MYH3: variants seen among roughly 807,000 people sequenced by gnomAD.
MYH3 encodes the protein myosin heavy chain 3, also known as myosin-3.
In MYH3, 130 loss-of-function variants were observed where a neutral mutation model predicts 238.0. The ratio of observed to expected loss-of-function variants is 0.55; its 90% CI spans 0.47 to 0.63. The LOEUF is 0.63. Among genes scored for constraint, MYH3 ranks in the 30% least tolerant of loss-of-function variants. MYH3 has a pLI of 0.00. For synonymous variants in MYH3, 880 were observed against 924.1 expected (o/e 0.95, Z 0.86); for missense variants, 1,853 against 2,374.9 (o/e 0.78, Z 4.57).
intron 6 of MYH3, 88 bp downstream of exon 6, chr17:10,650,286 A>G: frequency 1.4e-6 from 2 of 1,405,512 alleles, no homozygotes; most frequent in Non-Finnish European, 2.0e-6. Flanking sequence ...TGATCTTTTT[A>G]TTATAGACTC....
Position 10,634,960 on chromosome 17 carries a change from A to T in MYH3, c.4236T>A (p.Cys1412Ter). The T allele has an allele frequency of 6.2e-7, 1 of 1,614,118 alleles. No individual in the cohort carries two copies. The highest frequency in any genetic ancestry group is 2.2e-5 in the East Asian group (1 of 44,866). Reference sequence around the variant, plus strand: ...TCTGCTTGGTCTTCTCCAGTGAAGCACATTTAGCATTCACTGCCTCAACCT... The same window carrying T: ...TCTGCTTGGTCTTCTCCAGTGAAGCTCATTTAGCATTCACTGCCTCAACCT... Reference protein sequence around the residue: ...EEQVEAVNAKCASLEKTKQRL... With the variant: ...EEQVEAVNAK Residue 1412 changes from cysteine (C) to a stop codon, truncating the protein, a stop_gained, in exon 31 of 41, where the codon TGT becomes TGA. Transcript: ENST00000583535. LOFTEE classifies it high-confidence loss of function.
Position 10,640,189 on chromosome 17 carries a change from C to T in MYH3, c.2489G>A (p.Trp830Ter), listed in dbSNP as rs2074256832. 6.2e-7 allele frequency: 1 copy of T among 1,614,084 alleles called. No homozygotes were observed. The highest frequency in any genetic ancestry group is 1.7e-5 in the Admixed American group (1 of 60,002). The stretch of plus-strand genomic sequence containing the variant: ...CTTGATCTTGAAGAAGAGTTTCATC[C>T]AGGGCCAGTGCTTGACGTTCATGAA... ...RSFMNVKHWP[W>*]MKLFFKIKPL... is the part of the protein sequence containing the mutation. The change falls in exon 22 of 41, where the codon TGG becomes TAG. Residue 830 changes from tryptophan (W) to a stop codon, truncating the protein, a stop_gained. Transcript: ENST00000583535. LOFTEE classifies it high-confidence loss of function.
At position 10,640,694 on chromosome 17, in the gene MYH3, G is replaced by A. The variant is rs1166528603; in HGVS notation, c.2166-8C>T. The A allele has an allele frequency of 6.2e-6, 10 of 1,613,862 alleles. No individual in the cohort carries two copies. Among genetic ancestry groups the A allele is most frequent in the South Asian group, 1.1e-5 (1 of 91,066 alleles). ...GCATTCAGCACTCGGTATCTGCATTGTAGACATGGAAATCATCACAGACTG... is the reference window on the plus strand; with the variant it reads ...GCATTCAGCACTCGGTATCTGCATTATAGACATGGAAATCATCACAGACTG... On this transcript the variant is annotated splice_region_variant and splice_polypyrimidine_tract_variant and intron_variant, in intron 19 of 40. Transcript: ENST00000583535.
chr17:10,633,150 T>G (rs1365081019), intron 33 of MYH3, among the ~76,000 whole-genome samples: 1 of 152,094 alleles, frequency 6.6e-6, no homozygotes, highest in Non-Finnish European at 1.5e-5. Flanking sequence ...AGACAGAGGT[T>G]GCAGTGGGCC....
chr17:10,648,409 T>C, intron 8 of MYH3, 148 bp downstream of exon 8: 1 of 767,400 alleles, frequency 1.3e-6, no homozygotes, highest in Admixed American at 2.0e-5. Context: ...GAACTTGGTC[T>C]GAATTTATCT....
chr17:10,675,241 T>C, the MYH3 span: 1 of 152,528 alleles, frequency 6.6e-6, no homozygotes, highest in African/African-American at 2.4e-5. Flanking sequence ...CCCACTCTCC[T>C]ACCATCTGCC....
In MYH3 at chr17:10,631,643, C is replaced by A. The variant is rs34393601; in HGVS notation, c.5254G>T (p.Ala1752Ser). The A allele has an allele frequency of 3.7e-4, 591 of 1,614,122 alleles. 3 individuals carry two copies. The African/African-American group carries it at 7.0e-3, about 19-fold the overall frequency. ...VEDASRDARNAEEKAKKAITD... is the reference protein window; with the variant it reads ...VEDASRDARNSEEKAKKAITD... ...ATGGCCTTCTTGGCCTTCTCCTCAG[C>A]GTTCCTTGCATCCCTGCTGGCATCT... The change falls in exon 36 of 41, where the codon GCT becomes TCT. Residue 1752 changes from alanine to serine, a missense_variant. Physicochemically the swap from Ala to Ser is moderately conservative, Grantham distance 99. Coordinates refer to ENST00000583535, the MANE Select transcript of MYH3 (RefSeq NM_002470.4).
rs757753511 is a variant in MYH3, at chr17:10,642,330, G to A, written c.1889-20C>T. On this transcript the variant is annotated intron_variant, in intron 16 of 40. Transcript: ENST00000583535. This position sits in a 1 kb window ranked among gnomAD's most constrained non-coding sequence, Gnocchi z 5.4. ...TGTCAGCTGAAAGCAATAAGGGAGG[G>A]CACGTGCTGTAGGTGAATCTAAAAG... 1.4e-5 allele frequency: 23 copies of A among 1,613,892 alleles called. No homozygotes were observed. The highest frequency in any genetic ancestry group is 1.7e-5 in the Non-Finnish European group (20 of 1,179,894).
chr17:10,666,939 T>C, the MYH3 span, among the ~76,000 whole-genome samples: 6 of 152,302 alleles, frequency 3.9e-5, no homozygotes, highest in Non-Finnish European at 8.8e-5. Flanking sequence ...AGACGGTTTA[T>C]AGAAAATGAT....
At chr17:10,635,992 T>C in intron 28 of MYH3, 139 bp from the exon 29 acceptor site, 4 of 784,684 alleles carry the variant, frequency 5.1e-6, no homozygotes, top group Non-Finnish European at 6.5e-6. Flanking sequence ...GGAGAAGGTA[T>C]ATGGTTCATG....
At chr17:10,641,865 T>TA in intron 17 of MYH3, among the ~76,000 whole-genome samples, 1 of 152,252 alleles carries the variant, frequency 6.6e-6, no homozygotes, top group Admixed American at 6.5e-5. Context: ...TAGTAACTGA[T>TA]ACAATTGTCT....
Position 10,644,517 on chromosome 17 carries a change from C to A in MYH3, c.1261-17G>T, listed in dbSNP as rs1486542061. On this transcript the variant is annotated splice_polypyrimidine_tract_variant and intron_variant, in intron 13 of 40. Transcript: ENST00000583535. ...ATGGTGAACCTATCAGGGGAAAGAT[C>A]AGCTACTGGATATGAAGGAAGTGGC... The A allele has an allele frequency of 6.2e-7, 1 of 1,614,166 alleles. No homozygotes were observed. The highest frequency in any genetic ancestry group is 1.7e-5 in the Admixed American group (1 of 60,018).
chr17:10,661,232 C>T (rs2074478223), upstream of MYH3, among the ~76,000 whole-genome samples: 1 of 149,700 alleles, frequency 6.7e-6, no homozygotes, highest in African/African-American at 2.5e-5. Flanking sequence ...CTGCCTCAGC[C>T]TCCCAAAGTG....
chr17:10,636,601 G>A (rs1015995102), intron 28 of MYH3, among the ~76,000 whole-genome samples: 3 of 151,846 alleles, frequency 2.0e-5, no homozygotes, highest in African/African-American at 7.3e-5. Flanking sequence ...CTCCAGACGT[G>A]AATCCCCCAA....
rs778670316 is a variant in MYH3 at position 10,630,426 on chromosome 17, C to A, written c.5319G>T (p.Glu1773Asp). Residue 1773 changes from glutamate to aspartate, a missense_variant, in exon 37 of 41, where the codon GAG (glutamate) becomes GAT (aspartate). Coordinates refer to ENST00000583535, the MANE Select transcript of MYH3 (RefSeq NM_002470.4). The part of the protein sequence containing the change: ...AAMMAEELKK[E>D]QDTSAHLERM... ...GCTCAAGGTGGGCGCTGGTGTCCTGCTCCTTCTTCAGCTCCTCCGCCATCA... is the reference window on the plus strand; with the variant it reads ...GCTCAAGGTGGGCGCTGGTGTCCTGATCCTTCTTCAGCTCCTCCGCCATCA... The A allele has an allele frequency of 6.2e-7, 1 of 1,614,212 alleles. No individual in the cohort carries two copies. The highest frequency in any genetic ancestry group is 8.5e-7 in the Non-Finnish European group (1 of 1,180,046).
At chr17:10,638,467 G>A (rs766662721) in intron 26 of MYH3, 35 bp from the exon 27 acceptor site, 8 of 1,599,094 alleles carry the variant, frequency 5.0e-6, no homozygotes, top group Non-Finnish European at 6.8e-6. Context: ...GTGGGCAGTG[G>A]GTTCACCGCG....
In MYH3 at chr17:10,641,139, C is replaced by T. The variant is rs745848183; in HGVS notation, c.2111G>A (p.Arg704His). Reference protein sequence around the residue: ...LRCNGVLEGIRICRKGFPNRI... With the variant: ...LRCNGVLEGIHICRKGFPNRI... ...GTTTGGGAACCCTTTCCTGCAGATG[C>T]GGATGCCCTCCAGGACACCGTTACA... Residue 704 changes from arginine (R) to histidine (H), a missense_variant, in exon 19 of 41, where the codon CGC (arginine) becomes CAC (histidine). Arg to His is a conservative substitution (Grantham distance 29). Transcript: ENST00000583535. The T allele has an allele frequency of 3.3e-5, 53 of 1,613,688 alleles. No homozygotes were observed. Among genetic ancestry groups the T allele is most frequent in the Non-Finnish European group, 4.2e-5 (50 of 1,179,972 alleles).
At position 10,642,886 on chromosome 17, in the gene MYH3, G is replaced by A. The variant is rs140685610; in HGVS notation, c.1521C>T (p.Ile507=). Residue 507 remains isoleucine (I), a synonymous_variant, in exon 15 of 41, where the codon ATC becomes ATT. Transcript: ENST00000583535. This position sits in a 1 kb window ranked among gnomAD's most constrained non-coding sequence, Gnocchi z 5.4. ...LEQEEYKKEG[I]EWTFIDFGMD... ...TCCCGAAGTCAATGAACGTCCACTCGATGCCTTCCTTCTTGTACTCCTCCT... is the reference window on the plus strand; with the variant it reads ...TCCCGAAGTCAATGAACGTCCACTCAATGCCTTCCTTCTTGTACTCCTCCT... 104 of 1,614,180 alleles carry A rather than the reference G, an allele frequency of 6.4e-5. No homozygotes were observed. The African/African-American group carries it at 9.9e-4, about 15-fold the overall frequency.
Position 10,629,717 on chromosome 17 carries a change from A to C in MYH3, c.5676T>G (p.Ala1892=). Residue 1892 remains alanine, a synonymous_variant, in exon 40 of 41, where the codon GCT becomes GCG. Transcript: ENST00000583535. ...GAGCCTTTCGGAATTTGGTGAGATG[A>C]GCATTGGCTTGTTCATCCTAAAACC... ...QAEEADEQAN[A]HLTKFRKAQH... is the part of the protein sequence containing the mutation. The C allele has an allele frequency of 6.2e-7, 1 of 1,614,192 alleles. No individual in the cohort carries two copies. The highest frequency in any genetic ancestry group is 8.5e-7 in the Non-Finnish European group (1 of 1,180,036).
Sources: allele counts gnomAD v4.1 joint callset (sites outside exome capture counted in the v4.1 genomes callset), GRCh38; gene constraint gnomAD v4.1.1; non-coding constraint Gnocchi (gnomAD v3.1); transcripts MANE v1.5; gene names NCBI Gene and HGNC (gene_info 2026-07-23, HGNC 2026-07-21).